Variants in ITGBL1 observed in about 807,000 individuals in gnomAD.
ITGBL1 encodes integrin beta-like protein 1.
In ITGBL1, 51 loss-of-function variants were observed where a neutral mutation model predicts 68.5. That is an observed-to-expected ratio of 0.74 (90% CI 0.59 to 0.94). ITGBL1 has a LOEUF of 0.94. Among genes scored for constraint, ITGBL1 ranks in the 40% least tolerant of loss-of-function variants. The pLI is 0.00. For synonymous variants in ITGBL1, 209 were observed against 227.3 expected, an observed-to-expected ratio of 0.92 and a Z score of 0.72; for missense variants, 649 against 647.4, an observed-to-expected ratio of 1.00 and a Z score of -0.03.
intron 2 of ITGBL1, among the ~76,000 whole-genome samples, chr13:101,508,856 G>T (rs1052981905): frequency 3.3e-5 from 5 of 151,940 alleles, no homozygotes; most frequent in Admixed American, 3.3e-4. Flanking sequence ...CAAATTTATT[G>T]TAATAAACTG....
rs570385533 is a variant in ITGBL1, at chr13:101,653,659, C to T, written c.1016-38926C>T. ...GGCAAGTGCTATTATGAACTATGAC[C>T]ACACAGTAAGAGATGAATATGGGTG... is the stretch of plus-strand genomic sequence containing the variant. On this transcript the variant is annotated intron_variant, in intron 7 of 10. Transcript: ENST00000376180. Among the ~76,000 whole-genome samples, 5 of 152,042 alleles carry T rather than the reference C, an allele frequency of 3.3e-5. No individual in the cohort carries two copies. The South Asian group carries it at 1.0e-3, about 32-fold the overall frequency.
intron 8 of ITGBL1, among the ~76,000 whole-genome samples, chr13:101,696,226 C>T (rs1424750437): frequency 2.0e-5 from 3 of 152,148 alleles, no homozygotes; most frequent in African/African-American, 7.2e-5. Flanking sequence ...GTCCCACAGC[C>T]TTCAAAGGAG....
At chr13:101,607,587 C>T (rs1017923581) in intron 7 of ITGBL1, among the ~76,000 whole-genome samples, 3 of 151,618 alleles carry the variant, frequency 2.0e-5, no homozygotes, top group Non-Finnish European at 2.9e-5. Context: ...AGTATTAATT[C>T]TTGGATATGG....
chr13:101,472,507 C>T (rs2048476300), intron 2 of ITGBL1, among the ~76,000 whole-genome samples: 2 of 152,236 alleles, frequency 1.3e-5, no homozygotes, highest in South Asian at 4.1e-4. Context: ...TTGAGAACTT[C>T]AAGAGTATTG....
At chr13:101,655,167 G>A (rs1438226738) in intron 7 of ITGBL1, among the ~76,000 whole-genome samples, 4 of 152,178 alleles carry the variant, frequency 2.6e-5, no homozygotes, top group East Asian at 1.9e-4. Flanking sequence ...CCATGAAGGC[G>A]GGGATCTTGG....
intron 7 of ITGBL1, among the ~76,000 whole-genome samples, chr13:101,650,564 A>AAAAATTGG (rs2032713250): frequency 6.6e-6 from 1 of 152,110 alleles, no homozygotes; most frequent in Non-Finnish European, 1.5e-5. Flanking sequence ...TGAGAAATAC[A>AAAAATTGG]AAAATTGGAT....
intron 2 of ITGBL1, among the ~76,000 whole-genome samples, chr13:101,522,637 C>T (rs1257811119): frequency 6.6e-6 from 1 of 152,178 alleles, no homozygotes; most frequent in Non-Finnish European, 1.5e-5. Flanking sequence ...GGGACATTGA[C>T]AGAAGTTTCC....
At chr13:101,630,081 C>T (rs1159691190) in intron 7 of ITGBL1, among the ~76,000 whole-genome samples, 1 of 152,138 alleles carries the variant, frequency 6.6e-6, no homozygotes, top group Non-Finnish European at 1.5e-5. Context: ...ATTGGCCTCC[C>T]AAAGTGCTGG....
At chr13:101,682,944 A>G (rs572776988) in intron 7 of ITGBL1, among the ~76,000 whole-genome samples, 2 of 152,066 alleles carry the variant, frequency 1.3e-5, no homozygotes, top group Non-Finnish European at 2.9e-5. Flanking sequence ...AAACTTTTAC[A>G]TTTGAATGTT....
intron 2 of ITGBL1, among the ~76,000 whole-genome samples, chr13:101,466,017 G>T (rs1454188552): frequency 6.6e-6 from 1 of 152,110 alleles, no homozygotes; most frequent in Non-Finnish European, 1.5e-5. Context: ...AAATGAAGAC[G>T]TGGAGTCAGA....
At chr13:101,550,739 G>A (rs2049907729) in intron 2 of ITGBL1, among the ~76,000 whole-genome samples, 2 of 152,164 alleles carry the variant, frequency 1.3e-5, no homozygotes. Context: ...ATAAGTGTGT[G>A]CTTGTGGAAG....
At chr13:101,496,640 C>T (rs970075364) in intron 2 of ITGBL1, among the ~76,000 whole-genome samples, 3 of 152,110 alleles carry the variant, frequency 2.0e-5, no homozygotes, top group Non-Finnish European at 2.9e-5. Flanking sequence ...TCCCTTGGAA[C>T]CTTTTACCCT....
At chr13:101,573,897 A>G (rs1312637333) in intron 3 of ITGBL1, among the ~76,000 whole-genome samples, 1 of 151,950 alleles carries the variant, frequency 6.6e-6, no homozygotes, top group Non-Finnish European at 1.5e-5. Context: ...AATGCCCTCT[A>G]CTCTTTCTCC....
intron 6 of ITGBL1, among the ~76,000 whole-genome samples, chr13:101,585,513 C>T (rs1052728146): frequency 1.3e-5 from 2 of 152,170 alleles, no homozygotes; most frequent in Admixed American, 6.5e-5. Flanking sequence ...TCACTGCGAG[C>T]TCCACCTCCC....
chr13:101,667,170 A>T (rs1401198142), intron 7 of ITGBL1, among the ~76,000 whole-genome samples: 2 of 152,176 alleles, frequency 1.3e-5, no homozygotes, highest in African/African-American at 4.8e-5. Context: ...TGATGGGAAA[A>T]TTACACCAAG....
intron 8 of ITGBL1, chr13:101,692,965 C>A: frequency 3.3e-6 from 1 of 301,246 alleles, no homozygotes; most frequent in Non-Finnish European, 6.1e-6. Flanking sequence ...ACTTTATGAT[C>A]GTGAAAGGTT....
chr13:101,468,727 G>A (rs1452647155), intron 2 of ITGBL1, among the ~76,000 whole-genome samples: 1 of 152,098 alleles, frequency 6.6e-6, no homozygotes, highest in East Asian at 1.9e-4. Context: ...AAGCTCAAAT[G>A]GTAAGAAAGT....
chr13:101,601,024 T>C (rs538119062), intron 7 of ITGBL1, among the ~76,000 whole-genome samples: 1 of 152,348 alleles, frequency 6.6e-6, no homozygotes, highest in East Asian at 1.9e-4. Flanking sequence ...TACCAGCTCC[T>C]CCTTGTACCT....
intron 7 of ITGBL1, among the ~76,000 whole-genome samples, chr13:101,646,211 C>T (rs17585585): frequency 0.051 from 7,732 of 152,152 alleles, 280 homozygotes; most frequent in Middle Eastern, 0.11. Context: ...CTCACATATT[C>T]CACCACTCCA....
Sources: allele counts gnomAD v4.1 joint callset (sites outside exome capture counted in the v4.1 genomes callset), GRCh38; gene constraint gnomAD v4.1.1; transcripts MANE v1.5; gene names NCBI Gene and HGNC (gene_info 2026-07-23, HGNC 2026-07-21).